Variants in PABPC4L observed in about 807,000 individuals in gnomAD.
PABPC4L encodes the protein poly(A) binding protein cytoplasmic 4 like, also known as polyadenylate-binding protein 4-like.
For synonymous variants in PABPC4L, 169 were observed against 164.1 expected, an observed-to-expected ratio of 1.03 and a Z score of -0.23; for missense variants, 452 against 451.4, an observed-to-expected ratio of 1.00 and a Z score of -0.01.
At chr4:133,962,083 A>C in the PABPC4L span, among the ~76,000 whole-genome samples, 39 of 152,326 alleles carry the variant, frequency 2.6e-4, no homozygotes, top group Non-Finnish European at 5.3e-4. Flanking sequence ...GAAAAGGGAG[A>C]GAGTTCTACA....
the PABPC4L span, among the ~76,000 whole-genome samples, chr4:134,005,500 T>C: frequency 6.6e-6 from 1 of 151,874 alleles, no homozygotes; most frequent in African/African-American, 2.4e-5. Context: ...CAAAATTAGA[T>C]GCAGAGATTT....
chr4:134,190,463 C>A, the PABPC4L span, among the ~76,000 whole-genome samples: 1 of 151,842 alleles, frequency 6.6e-6, no homozygotes, highest in African/African-American at 2.4e-5. Flanking sequence ...TCTTAATTTT[C>A]TTCTACTTTA....
chr4:134,062,044 A>G, the PABPC4L span, among the ~76,000 whole-genome samples: 4 of 151,920 alleles, frequency 2.6e-5, no homozygotes, highest in Non-Finnish European at 4.4e-5. Flanking sequence ...TCTTAAATCT[A>G]ATGGAATATC....
the PABPC4L span, among the ~76,000 whole-genome samples, chr4:133,993,056 T>C: frequency 2.6e-5 from 4 of 152,146 alleles, no homozygotes; most frequent in African/African-American, 4.8e-5. Flanking sequence ...AGCAAATCAT[T>C]TGGACAATGC....
At chr4:134,090,775 A>C in the PABPC4L span, among the ~76,000 whole-genome samples, 1 of 150,904 alleles carries the variant, frequency 6.6e-6, no homozygotes, top group South Asian at 2.1e-4. Context: ...AAAAAAAAAT[A>C]AAAAGGTGGG....
At chr4:134,099,888 A>G in the PABPC4L span, among the ~76,000 whole-genome samples, 1 of 151,702 alleles carries the variant, frequency 6.6e-6, no homozygotes. Flanking sequence ...TCCAGTTTCA[A>G]TTTTGTAACA....
chr4:134,163,991 C>T, the PABPC4L span, among the ~76,000 whole-genome samples: 298 of 152,058 alleles, frequency 2.0e-3, 1 homozygote, highest in African/African-American at 6.8e-3. Flanking sequence ...GGGCCAGGCG[C>T]GGTGGCTCAC....
At chr4:134,011,839 ATACT>A in the PABPC4L span, among the ~76,000 whole-genome samples, 1 of 152,114 alleles carries the variant, frequency 6.6e-6, no homozygotes, top group Non-Finnish European at 1.5e-5. Flanking sequence ...GCTTAAGCAA[ATACT>A]TAAGCAGGAT....
chr4:134,067,909 G>T, the PABPC4L span, among the ~76,000 whole-genome samples: 1 of 151,926 alleles, frequency 6.6e-6, no homozygotes, highest in Non-Finnish European at 1.5e-5. Flanking sequence ...ATGAGTTTGG[G>T]TTGTTTGAAT....
the PABPC4L span, among the ~76,000 whole-genome samples, chr4:133,985,118 G>C: frequency 6.6e-6 from 1 of 151,918 alleles, no homozygotes; most frequent in East Asian, 1.9e-4. Flanking sequence ...TACATAAACT[G>C]ACTCTGGTGT....
chr4:133,977,648 A>G, the PABPC4L span, among the ~76,000 whole-genome samples: 1 of 152,104 alleles, frequency 6.6e-6, no homozygotes, highest in Non-Finnish European at 1.5e-5. Context: ...CTGTATTCCT[A>G]GGTATTTTAT....
the PABPC4L span, among the ~76,000 whole-genome samples, chr4:134,090,938 T>C: frequency 0.51 from 76,709 of 151,728 alleles, 20,554 homozygotes; most frequent in East Asian, 0.94. Context: ...GCTTCTAATA[T>C]CTGGTAAGTC....
the PABPC4L span, among the ~76,000 whole-genome samples, chr4:134,166,053 A>G: frequency 6.6e-6 from 1 of 152,184 alleles, no homozygotes; most frequent in Non-Finnish European, 1.5e-5. Context: ...ATATGTTCTC[A>G]CTTATAAATG....
At chr4:134,009,041 A>T in the PABPC4L span, among the ~76,000 whole-genome samples, 1 of 151,870 alleles carries the variant, frequency 6.6e-6, no homozygotes, top group African/African-American at 2.4e-5. Context: ...CTATTAAAAC[A>T]CCAAAATATT....
At chr4:134,175,661 C>G in the PABPC4L span, among the ~76,000 whole-genome samples, 3 of 152,060 alleles carry the variant, frequency 2.0e-5, no homozygotes, top group African/African-American at 4.8e-5. Flanking sequence ...GTTGCCCAGG[C>G]TTCTCTTGAA....
At chr4:134,030,704 C>T in the PABPC4L span, among the ~76,000 whole-genome samples, 119 of 151,926 alleles carry the variant, frequency 7.8e-4, no homozygotes, top group African/African-American at 2.4e-3. Flanking sequence ...TTTCTTCCTA[C>T]GTATTCTCAG....
the PABPC4L span, among the ~76,000 whole-genome samples, chr4:134,134,958 A>G: frequency 6.6e-6 from 1 of 151,940 alleles, no homozygotes; most frequent in Non-Finnish European, 1.5e-5. Flanking sequence ...TCAATAGAAG[A>G]AAGATCTGTG....
At chr4:133,952,358 C>T in the PABPC4L span, among the ~76,000 whole-genome samples, 27 of 152,206 alleles carry the variant, frequency 1.8e-4, no homozygotes, top group Non-Finnish European at 1.8e-4. Flanking sequence ...TTACACTGAA[C>T]CACTTATGTT....
At chr4:134,107,823 T>A in the PABPC4L span, among the ~76,000 whole-genome samples, 1 of 151,650 alleles carries the variant, frequency 6.6e-6, no homozygotes, top group African/African-American at 2.4e-5. Context: ...CAGCTTGTTT[T>A]AAATATTCTT....
Sources: allele counts gnomAD v4.1 joint callset (sites outside exome capture counted in the v4.1 genomes callset), GRCh38; gene constraint gnomAD v4.1.1; transcripts MANE v1.5; gene names NCBI Gene and HGNC (gene_info 2026-07-23, HGNC 2026-07-21).